Variants in SLC26A7 observed in about 807,000 individuals in gnomAD.
SLC26A7 encodes anion exchange transporter.
Under a neutral mutation model 82.5 loss-of-function variants are expected in SLC26A7, and 59 were observed. The observed-to-expected ratio is 0.72, with a 90% CI of 0.58 to 0.89. SLC26A7 has a LOEUF of 0.89. SLC26A7 is among the 40% of genes least tolerant of loss of function. The pLI is 0.00. For synonymous variants in SLC26A7, 271 were observed against 274.3 expected (o/e 0.99, Z 0.12); for missense variants, 820 against 793.0 (o/e 1.03, Z -0.41).
chr8:91,228,089 G>C (rs1191106006), intron 2 of SLC26A7, among the ~76,000 whole-genome samples: 3 of 152,202 alleles, frequency 2.0e-5, no homozygotes, highest in Non-Finnish European at 4.4e-5. Context: ...AAAGGGATCT[G>C]GAGACTCATA....
chr8:91,319,258 G>A (rs992135254), intron 5 of SLC26A7, among the ~76,000 whole-genome samples: 4 of 152,046 alleles, frequency 2.6e-5, no homozygotes, highest in Non-Finnish European at 4.4e-5. Context: ...GATTGTTTCA[G>A]TAGGATAAGT....
In SLC26A7 at chr8:91,352,981, G is replaced by A; in HGVS notation, c.1299G>A (p.Val433=). ...QFRDLKKYWN[V]DKIDWGIWVS... ...GAGATTTAAAAAAATATTGGAATGT[G>A]GATAAAATCGATTGGGTAAGTAGAA... is the stretch of plus-strand genomic sequence containing the variant. The change falls in exon 11 of 19, where the codon GTG becomes GTA. Residue 433 remains valine (V), a synonymous_variant. Coordinates refer to ENST00000276609, the MANE Select transcript of SLC26A7 (RefSeq NM_052832.4). The A allele has an allele frequency of 6.2e-7, 1 of 1,605,968 alleles. No individual in the cohort carries two copies. Among genetic ancestry groups the A allele is most frequent in the Non-Finnish European group, 8.5e-7 (1 of 1,175,974 alleles).
At chr8:91,345,420 C>G (rs1813536027) in intron 9 of SLC26A7, among the ~76,000 whole-genome samples, 1 of 152,206 alleles carries the variant, frequency 6.6e-6, no homozygotes, top group African/African-American at 2.4e-5. Context: ...CTTGACCTCT[C>G]TGGCATAAGT....
chr8:91,299,468 C>G (rs1199140332), intron 4 of SLC26A7, among the ~76,000 whole-genome samples: 1 of 151,410 alleles, frequency 6.6e-6, no homozygotes, highest in Non-Finnish European at 1.5e-5. Context: ...GGAGTTTATG[C>G]TTGTGAGTGG....
In SLC26A7 at chr8:91,290,307, A is replaced by G. The variant is rs191306389; in HGVS notation, c.304+1061A>G. 9.9e-5 allele frequency among the ~76,000 whole-genome samples: 15 copies of G among 152,274 alleles called. No individual in the cohort carries two copies. The East Asian group carries it at 2.7e-3, about 27-fold the overall frequency. Reference sequence around the variant, plus strand: ...TCTGTTGCTGCTGTAACAAATTACCATAAGTTTGGTGCTTAGAACAAGATA... The same window carrying G: ...TCTGTTGCTGCTGTAACAAATTACCGTAAGTTTGGTGCTTAGAACAAGATA... On this transcript the variant is annotated intron_variant, in intron 3 of 18. Coordinates refer to ENST00000276609, the MANE Select transcript of SLC26A7 (RefSeq NM_052832.4).
At chr8:91,321,263 A>G (rs1326079708) in intron 5 of SLC26A7, among the ~76,000 whole-genome samples, 1 of 152,194 alleles carries the variant, frequency 6.6e-6, no homozygotes, top group African/African-American at 2.4e-5. Flanking sequence ...AATCAGATAC[A>G]TGTAGGGGTT....
At chr8:91,306,927 A>G (rs1812324929) in intron 4 of SLC26A7, among the ~76,000 whole-genome samples, 1 of 151,230 alleles carries the variant, frequency 6.6e-6, no homozygotes, top group African/African-American at 2.4e-5. Flanking sequence ...TCCAGAATCT[A>G]CAATGAACTC....
chr8:91,226,290 A>G (rs1194325194), intron 2 of SLC26A7, among the ~76,000 whole-genome samples: 1 of 152,220 alleles, frequency 6.6e-6, no homozygotes, highest in Non-Finnish European at 1.5e-5. Flanking sequence ...CCTGAAAATA[A>G]CCTAGACAAC....
intron 2 of SLC26A7, among the ~76,000 whole-genome samples, chr8:91,271,719 C>T (rs55805839): frequency 0.11 from 16,749 of 151,754 alleles, 1,097 homozygotes; most frequent in Middle Eastern, 0.21. Flanking sequence ...CTCAGCCTCC[C>T]GAGTAGCTGG....
At position 91,389,448 on chromosome 8, in the gene SLC26A7, G is replaced by A; in HGVS notation, c.1776+10G>A. On this transcript the variant is annotated intron_variant, in intron 16 of 18. Transcript: ENST00000276609. The stretch of plus-strand genomic sequence containing the variant: ...CTCCATGCTTGTTGAGGTATTTATG[G>A]AACTTGTGTTTAGAACTGTTTCTTC... 6.3e-7 allele frequency: 1 copy of A among 1,590,206 alleles called. No individual in the cohort carries two copies.
At chr8:91,254,280 C>G (rs1810741260) in intron 2 of SLC26A7, among the ~76,000 whole-genome samples, 1 of 152,082 alleles carries the variant, frequency 6.6e-6, no homozygotes, top group Admixed American at 6.6e-5. Flanking sequence ...AAGAGAGCCT[C>G]CTTGTTTGCC....
intron 3 of SLC26A7, 76 bp from the exon 4 acceptor site, chr8:91,295,455 G>A (rs1811989557): frequency 1.2e-5 from 19 of 1,524,050 alleles, no homozygotes; most frequent in Non-Finnish European, 1.7e-5. Context: ...ATGTAGCTTC[G>A]ACAGAATCCC....
At chr8:91,242,957 G>A (rs1810493892) in intron 2 of SLC26A7, among the ~76,000 whole-genome samples, 1 of 152,010 alleles carries the variant, frequency 6.6e-6, no homozygotes, top group African/African-American at 2.4e-5. Flanking sequence ...TATCAAACAA[G>A]GTTTAATACC....
Position 91,366,721 on chromosome 8 carries a change from G to A in SLC26A7, c.1626+4G>A. 1.2e-6 allele frequency: 2 copies of A among 1,607,020 alleles called. No individual in the cohort carries two copies. Among genetic ancestry groups the A allele is most frequent in the South Asian group, 1.1e-5 (1 of 89,930 alleles). ...GCCACTTGATGATATCAGCAAGGTAGGATCAATGGTTTGATTAGAATGTCA... is the reference window on the plus strand; with the variant it reads ...GCCACTTGATGATATCAGCAAGGTAAGATCAATGGTTTGATTAGAATGTCA... On this transcript the variant is annotated splice_donor_region_variant and intron_variant, in intron 14 of 18. Coordinates refer to ENST00000276609, the MANE Select transcript of SLC26A7 (RefSeq NM_052832.4).
chr8:91,217,959 C>A (rs1481614246), intron 1 of SLC26A7, among the ~76,000 whole-genome samples: 1 of 152,088 alleles, frequency 6.6e-6, no homozygotes, highest in Non-Finnish European at 1.5e-5. Flanking sequence ...ATGACTTTGG[C>A]TCCCTGCTGA....
At chr8:91,392,110 G>A (rs149673235) in intron 16 of SLC26A7, among the ~76,000 whole-genome samples, 30 of 152,232 alleles carry the variant, frequency 2.0e-4, no homozygotes, top group African/African-American at 7.2e-4. Flanking sequence ...ATCAACTGAT[G>A]CAATTTATTT....
At chr8:91,358,552 G>T (rs967509928) in intron 11 of SLC26A7, among the ~76,000 whole-genome samples, 1 of 151,742 alleles carries the variant, frequency 6.6e-6, no homozygotes, top group Non-Finnish European at 1.5e-5. Flanking sequence ...GGATGGTCTC[G>T]ATCTGCTGAC....
intron 5 of SLC26A7, among the ~76,000 whole-genome samples, chr8:91,322,775 G>A (rs902663946): frequency 2.6e-5 from 4 of 152,110 alleles, no homozygotes; most frequent in African/African-American, 7.2e-5. Flanking sequence ...AGCAAAAGGC[G>A]AGCTTGGCAA....
intron 11 of SLC26A7, among the ~76,000 whole-genome samples, chr8:91,362,086 A>G (rs1374376087): frequency 6.6e-6 from 1 of 152,124 alleles, no homozygotes; most frequent in East Asian, 1.9e-4. Context: ...GATCTTAAAT[A>G]CAGTGTTTGT....
Sources: allele counts gnomAD v4.1 joint callset (sites outside exome capture counted in the v4.1 genomes callset), GRCh38; gene constraint gnomAD v4.1.1; transcripts MANE v1.5; gene names NCBI Gene and HGNC (gene_info 2026-07-23, HGNC 2026-07-21).